CUL4A: variants seen among roughly 807,000 people sequenced by gnomAD.
CUL4A encodes cullin 4A, also known as cullin-4A.
In CUL4A, 16 loss-of-function variants were observed where a neutral mutation model predicts 95.5. The ratio of observed to expected loss-of-function variants is 0.17; its 90% CI spans 0.11 to 0.25. CUL4A has a LOEUF of 0.25. Among genes scored for constraint, CUL4A ranks in the 10% least tolerant of loss-of-function variants. The pLI, the probability that CUL4A is intolerant of heterozygous loss-of-function variation, is 1.00. For missense variants in CUL4A, 610 were observed against 937.0 expected, an observed-to-expected ratio of 0.65 and a Z score of 4.56; for synonymous variants, 380 against 353.1, an observed-to-expected ratio of 1.08 and a Z score of -0.85.
intron 3 of CUL4A, among the ~76,000 whole-genome samples, chr13:113,222,746 C>T (rs975111140): frequency 1.1e-4 from 16 of 152,150 alleles, no homozygotes; most frequent in Admixed American, 5.2e-4. Flanking sequence ...GCAGCCTAGA[C>T]GACAATTAGC....
chr13:113,247,991 A>T (rs1385577959), intron 15 of CUL4A, among the ~76,000 whole-genome samples: 2 of 152,142 alleles, frequency 1.3e-5, no homozygotes, highest in African/African-American at 4.8e-5. Flanking sequence ...GTCCAGCCAG[A>T]TGCCCCGTGT....
intron 2 of CUL4A, among the ~76,000 whole-genome samples, chr13:113,215,021 C>T (rs529084442): frequency 2.7e-5 from 4 of 147,974 alleles, no homozygotes; most frequent in East Asian, 2.0e-4. Flanking sequence ...ATGGAGGTCT[C>T]GTCCTTTGTG....
chr13:113,217,970 C>T (rs2040754539), intron 2 of CUL4A, among the ~76,000 whole-genome samples: 1 of 152,226 alleles, frequency 6.6e-6, no homozygotes, highest in South Asian at 2.1e-4. Context: ...GGCACGGTGG[C>T]TCATGCCTGT....
At chr13:113,219,203 AT>A (rs1377592566) in intron 3 of CUL4A, 155 bp downstream of exon 3, 1 of 504,548 alleles carries the variant, frequency 2.0e-6, no homozygotes, top group African/African-American at 2.0e-5. Flanking sequence ...GAAATTTACC[AT>A]TTAAATTATT....
intron 3 of CUL4A, among the ~76,000 whole-genome samples, chr13:113,224,204 T>A (rs1019675901): frequency 1.3e-5 from 2 of 152,024 alleles, no homozygotes; most frequent in Non-Finnish European, 2.9e-5. Flanking sequence ...TACAAAAAAA[T>A]TAGCCGGGCG....
intron 5 of CUL4A, among the ~76,000 whole-genome samples, chr13:113,232,605 C>A (rs1033760978): frequency 1.3e-5 from 2 of 152,236 alleles, no homozygotes; most frequent in African/African-American, 4.8e-5. Flanking sequence ...GCAGCTGAAC[C>A]ATCTTCCTAA....
At chr13:113,228,989 G>T (rs978062529) in intron 4 of CUL4A, among the ~76,000 whole-genome samples, 2 of 151,960 alleles carry the variant, frequency 1.3e-5, no homozygotes, top group African/African-American at 4.8e-5. Context: ...TTAACCGGGT[G>T]GGGTGGTGGG....
Position 113,237,002 on chromosome 13 carries a change from G to A in CUL4A, c.916+112G>A, listed in dbSNP as rs7990437. ...GTTAGGACGTTTGTTATTTTCATAA[G>A]ACAGTCATTAAAAATCTTTTCTAAT... On this transcript the variant is annotated intron_variant, in intron 9 of 19. Coordinates refer to ENST00000375440, the MANE Select transcript of CUL4A (RefSeq NM_001008895.4). The A allele has an allele frequency of 5.2e-4, 353 of 680,310 alleles. 1 individual carries two copies. The African/African-American group carries it at 5.8e-3, about 11-fold the overall frequency. The allele number at this position is 680,310 out of a possible 1,614,324, so 42.1% of individuals were successfully genotyped here. A position where few individuals can be genotyped will look rare whatever the true frequency, so the allele number is the denominator to read the frequency against.
Position 113,255,129 on chromosome 13 carries a change from T to C in CUL4A, c.2031+4T>C, listed in dbSNP as rs770126023. The C allele has an allele frequency of 1.3e-6, 2 of 1,592,716 alleles. No homozygotes were observed. Among genetic ancestry groups the C allele is most frequent in the Non-Finnish European group, 1.7e-6 (2 of 1,166,010 alleles). ...TCAAATTCAGATGAAGGAAACTGTA[T>C]GTATAAACTTTCTCTTTTTACTTAT... On this transcript the variant is annotated splice_donor_region_variant and intron_variant, in intron 18 of 19. Coordinates refer to ENST00000375440, the MANE Select transcript of CUL4A (RefSeq NM_001008895.4).
intron 9 of CUL4A, among the ~76,000 whole-genome samples, chr13:113,237,699 CT>C (rs1433248339): frequency 6.6e-6 from 1 of 152,108 alleles, no homozygotes; most frequent in Non-Finnish European, 1.5e-5. Flanking sequence ...AAATACGAGA[CT>C]TTTTTCAAGC....
At chr13:113,208,207 C>T, upstream of CUL4A, 1 of 1,542,392 alleles carries the variant, frequency 6.5e-7, no homozygotes, top group Non-Finnish European at 8.7e-7. Context: ...ATCCCGCATC[C>T]TGCTGGGAAA....
chr13:113,229,349 T>G, intron 4 of CUL4A, 97 bp from the exon 5 acceptor site: 1 of 977,694 alleles, frequency 1.0e-6, no homozygotes, highest in Non-Finnish European at 1.6e-6. Context: ...GAAACAGCTG[T>G]TGGATTTGAG....
chr13:113,249,469 A>T (rs559845820), intron 15 of CUL4A, among the ~76,000 whole-genome samples: 2 of 152,350 alleles, frequency 1.3e-5, no homozygotes, highest in African/African-American at 2.4e-5. Flanking sequence ...ATCACATTGT[A>T]TCGATAGGTC....
At chr13:113,238,917 A>C (rs533821676) in intron 9 of CUL4A, among the ~76,000 whole-genome samples, 1 of 152,362 alleles carries the variant, frequency 6.6e-6, no homozygotes, top group South Asian at 2.1e-4. Context: ...TGGTTTCAGA[A>C]AACCGTTATA....
chr13:113,257,328 C>G (rs1208737902), intron 18 of CUL4A, among the ~76,000 whole-genome samples: 1 of 151,972 alleles, frequency 6.6e-6, no homozygotes, highest in Non-Finnish European at 1.5e-5. Flanking sequence ...TTTATGGTTT[C>G]TGACTTAACG....
At chr13:113,233,631 G>A (rs1013159133) in intron 6 of CUL4A, among the ~76,000 whole-genome samples, 3 of 152,290 alleles carry the variant, frequency 2.0e-5, no homozygotes, top group African/African-American at 4.8e-5. Flanking sequence ...CAGATGACAC[G>A]CTGGGGGAAA....
rs773192332 is a variant in CUL4A at position 113,218,977 on chromosome 13, C to T, written c.297C>T (p.Ser99=). 1 of 1,613,644 alleles carries T rather than the reference C, an allele frequency of 6.2e-7. No homozygotes were observed. Among genetic ancestry groups the T allele is most frequent in the Non-Finnish European group, 8.5e-7 (1 of 1,179,902 alleles). Reference sequence around the variant, plus strand: ...AAAATCTCTGTTCTCACAAAGTCTCCCCAATGCTCTACAAGCAACTGCGTC... The same window carrying T: ...AAAATCTCTGTTCTCACAAAGTCTCTCCAATGCTCTACAAGCAACTGCGTC... ...AVENLCSHKV[S]PMLYKQLRQA... Residue 99 remains serine (S), a synonymous_variant, in exon 3 of 20, where the codon TCC becomes TCT. Coordinates refer to ENST00000375440, the MANE Select transcript of CUL4A (RefSeq NM_001008895.4).
chr13:113,248,011 G>T lies in CUL4A; in HGVS notation c.1638+1948G>T, dbSNP rs182035292. On this transcript the variant is annotated intron_variant, in intron 15 of 19. Coordinates refer to ENST00000375440, the MANE Select transcript of CUL4A (RefSeq NM_001008895.4). The stretch of plus-strand genomic sequence containing the variant: ...GCCAGATGCCCCGTGTCCCCATCAG[G>T]ATCCTGGCGGGAGGTGCGCACTATC... Among the ~76,000 whole-genome samples the T allele has an allele frequency of 5.6e-3, 849 of 152,282 alleles. 16 individuals carry two copies. Among genetic ancestry groups the T allele is most frequent in the Admixed American group, 0.041 (627 of 15,280 alleles).
At chr13:113,224,889 A>G (rs1595367692) in intron 3 of CUL4A, among the ~76,000 whole-genome samples, 1 of 152,222 alleles carries the variant, frequency 6.6e-6, no homozygotes, top group African/African-American at 2.4e-5. Context: ...GGGTCGGCCT[A>G]GGGCTGTCCC....
Sources: gnomAD v4.1 joint callset for allele counts (sites outside exome capture counted in the v4.1 genomes callset) on GRCh38, gnomAD v4.1.1 for gene constraint, MANE v1.5 for transcripts, NCBI Gene and HGNC (gene_info 2026-07-23, HGNC 2026-07-21) for gene names.